The following ELMO1 variants were observed in gnomAD, a reference collection of about 807,000 sequenced individuals.
The protein encoded by ELMO1 is engulfment and cell motility protein 1.
ELMO1 carries 26 observed loss-of-function variants against 98.9 expected under a neutral mutation model. That is an observed-to-expected ratio of 0.26 (90% CI 0.19 to 0.36). ELMO1 has a LOEUF of 0.36. ELMO1 is among the 10% of genes least tolerant of loss of function. The pLI is 1.00. For synonymous variants in ELMO1, 346 were observed against 346.0 expected, an observed-to-expected ratio of 1.00 and a Z score of 0.00; for missense variants, 627 against 935.2, an observed-to-expected ratio of 0.67 and a Z score of 4.30.
rs186296908 is a variant in ELMO1 at position 37,085,837 on chromosome 7, T to C, written c.1300+10782A>G. On this transcript the variant is annotated intron_variant, in intron 15 of 21. Transcript: ENST00000310758. ...GTCATTGATTGGAATCCTGTTATAT[T>C]TGTGATTTTGTTTTATGATGTTTCT... Among the ~76,000 whole-genome samples, 18 of 152,316 alleles carry C rather than the reference T, an allele frequency of 1.2e-4. No individual in the cohort carries two copies. The East Asian group carries it at 2.7e-3, about 23-fold the overall frequency.
chr7:36,884,880 G>A (rs1343651753), intron 18 of ELMO1, among the ~76,000 whole-genome samples: 1 of 152,210 alleles, frequency 6.6e-6, no homozygotes, highest in African/African-American at 2.4e-5. Flanking sequence ...GAGGGAGTAT[G>A]GTGCTGGCTC....
At chr7:37,176,785 T>C (rs113432168) in intron 13 of ELMO1, among the ~76,000 whole-genome samples, 7 of 152,342 alleles carry the variant, frequency 4.6e-5, no homozygotes, top group African/African-American at 1.7e-4. Flanking sequence ...TATTTCTCTA[T>C]TACTTTTATG....
chr7:36,894,905 A>AT lies in ELMO1; in HGVS notation c.1549dup (p.Ile517AsnfsTer47). 1.2e-6 allele frequency: 2 copies of AT among 1,614,060 alleles called. No individual in the cohort carries two copies. Among genetic ancestry groups the AT allele is most frequent in the Non-Finnish European group, 1.7e-6 (2 of 1,179,994 alleles). On this transcript the variant is annotated frameshift_variant, in exon 17 of 22. Transcript: ENST00000310758. LOFTEE classifies it high-confidence loss of function. The stretch of plus-strand genomic sequence containing the variant: ...CTGGTTCATCCTCTCGGACTGGCGG[A>AT]TTTTCAGGATCTCAGTGTAGCTCAG...
intron 21 of ELMO1, among the ~76,000 whole-genome samples, chr7:36,861,144 G>A (rs1802596836): frequency 6.6e-6 from 1 of 152,194 alleles, no homozygotes; most frequent in Admixed American, 6.5e-5. Flanking sequence ...ATAGCTGACA[G>A]CGTGCTACAA....
intron 4 of ELMO1, among the ~76,000 whole-genome samples, chr7:37,283,242 T>C (rs1003429573): frequency 6.6e-6 from 1 of 152,144 alleles, no homozygotes; most frequent in Non-Finnish European, 1.5e-5. Flanking sequence ...AACATGCTTT[T>C]CTGGAGACGA....
intron 16 of ELMO1, among the ~76,000 whole-genome samples, chr7:36,970,521 T>C (rs1023892117): frequency 6.6e-6 from 1 of 152,220 alleles, no homozygotes; most frequent in South Asian, 2.1e-4. Flanking sequence ...TACAATCTTA[T>C]AAGCTTTTCA....
At chr7:37,196,337 C>T (rs536322603) in intron 13 of ELMO1, among the ~76,000 whole-genome samples, 22 of 152,160 alleles carry the variant, frequency 1.4e-4, no homozygotes, top group African/African-American at 3.4e-4. Flanking sequence ...TGAGCATTTG[C>T]GAAGGATTTA....
At chr7:37,048,602 T>C (rs1261720682) in intron 15 of ELMO1, among the ~76,000 whole-genome samples, 3 of 152,234 alleles carry the variant, frequency 2.0e-5, no homozygotes, top group Non-Finnish European at 4.4e-5. Flanking sequence ...GATCGTTTAT[T>C]TTATTCAGGG....
chr7:37,324,044 C>T (rs1799661433), intron 2 of ELMO1, among the ~76,000 whole-genome samples: 1 of 152,136 alleles, frequency 6.6e-6, no homozygotes, highest in Non-Finnish European at 1.5e-5. Flanking sequence ...TAGGAGATGG[C>T]CAGTCCAGCC....
At chr7:37,234,523 G>A (rs1026077229) in intron 7 of ELMO1, among the ~76,000 whole-genome samples, 2 of 152,206 alleles carry the variant, frequency 1.3e-5, no homozygotes, top group Non-Finnish European at 2.9e-5. Flanking sequence ...CAAAGCTGCC[G>A]GAGACCAGGG....
At chr7:36,949,741 T>C (rs1440244381) in intron 16 of ELMO1, among the ~76,000 whole-genome samples, 3 of 151,948 alleles carry the variant, frequency 2.0e-5, no homozygotes, top group Non-Finnish European at 4.4e-5. Context: ...TCCTGTTCAC[T>C]GTAGAATGTT....
chr7:37,171,750 C>G (rs1023553097), intron 13 of ELMO1, among the ~76,000 whole-genome samples: 1 of 152,022 alleles, frequency 6.6e-6, no homozygotes, highest in Non-Finnish European at 1.5e-5. Flanking sequence ...CCTCGGCCTC[C>G]CAAAGTGCTG....
chr7:37,225,600 T>C (rs1027165886), intron 8 of ELMO1, among the ~76,000 whole-genome samples: 3 of 152,218 alleles, frequency 2.0e-5, no homozygotes, highest in Admixed American at 6.5e-5. Flanking sequence ...TTCCAATTTC[T>C]GATGGTTAAA....
At chr7:36,892,891 G>T (rs774613383) in intron 17 of ELMO1, among the ~76,000 whole-genome samples, 6 of 152,138 alleles carry the variant, frequency 3.9e-5, no homozygotes, top group Non-Finnish European at 7.3e-5. Flanking sequence ...TTATGCAAAA[G>T]CTACATCCAT....
In ELMO1 at chr7:37,436,493, G is replaced by A. The variant is rs1448891008; in HGVS notation, c.-74+12182C>T. On this transcript the variant is annotated intron_variant, in intron 1 of 21. Transcript: ENST00000310758. ...GTTATCACTTTCAAAGCACTAATTT[G>A]GAGAAGCAGTTTCTGTTTGGCACAT... Among the ~76,000 whole-genome samples the A allele has an allele frequency of 3.3e-5, 5 of 152,318 alleles. No homozygotes were observed. In the East Asian group the frequency reaches 5.8e-4, roughly 18 times the overall value.
intron 15 of ELMO1, among the ~76,000 whole-genome samples, chr7:37,084,458 T>C (rs1783653461): frequency 6.6e-6 from 1 of 152,156 alleles, no homozygotes; most frequent in African/African-American, 2.4e-5. Context: ...TCAAAGGGCT[T>C]ACAGTCTGTA....
At chr7:37,063,781 C>G (rs953284775) in intron 15 of ELMO1, among the ~76,000 whole-genome samples, 1 of 152,086 alleles carries the variant, frequency 6.6e-6, no homozygotes, top group African/African-American at 2.4e-5. Flanking sequence ...CCAGAATCAG[C>G]ACATTGCAAC....
chr7:37,224,860 A>G lies in ELMO1; in HGVS notation c.701+19T>C, dbSNP rs1157127879. 2.5e-6 allele frequency: 4 copies of G among 1,612,156 alleles called. No individual in the cohort carries two copies. Among genetic ancestry groups the G allele is most frequent in the Non-Finnish European group, 3.4e-6 (4 of 1,178,770 alleles). On this transcript the variant is annotated intron_variant, in intron 9 of 21. Coordinates refer to ENST00000310758, the MANE Select transcript of ELMO1 (RefSeq NM_014800.11). ...TTCCTGAAGCATTTCTCCTCCCCAGAGCATCTTGGCATGCTTACCCTTGCA... is the reference window on the plus strand; with the variant it reads ...TTCCTGAAGCATTTCTCCTCCCCAGGGCATCTTGGCATGCTTACCCTTGCA...
chr7:36,980,676 G>A (rs1461484005), intron 16 of ELMO1, among the ~76,000 whole-genome samples: 1 of 152,134 alleles, frequency 6.6e-6, no homozygotes, highest in Non-Finnish European at 1.5e-5. Flanking sequence ...CAAATCCTGT[G>A]GTAATCCAAA....
Sources: gnomAD v4.1 joint callset for allele counts (sites outside exome capture counted in the v4.1 genomes callset) on GRCh38, gnomAD v4.1.1 for gene constraint, MANE v1.5 for transcripts, NCBI Gene and HGNC (gene_info 2026-07-23, HGNC 2026-07-21) for gene names.